The following PDZRN4 variants were observed in gnomAD, a reference collection of about 807,000 sequenced individuals.
PDZRN4 encodes the protein PDZ domain-containing RING finger protein 4.
A neutral mutation model predicts 99.0 loss-of-function variants in PDZRN4; 70 were observed. The ratio of observed to expected loss-of-function variants is 0.71; its 90% CI spans 0.58 to 0.86. The LOEUF (loss-of-function observed/expected upper bound fraction) is 0.86. PDZRN4 is among the 40% of genes least tolerant of loss of function. PDZRN4 has a pLI of 0.00. For missense variants in PDZRN4, 1,474 were observed against 1,331.2 expected (o/e 1.11, Z -1.67); for synonymous variants, 551 against 501.6 (o/e 1.10, Z -1.32).
At chr12:41,446,220 G>A (rs1167846981) in intron 3 of PDZRN4, among the ~76,000 whole-genome samples, 1 of 132,434 alleles carries the variant, frequency 7.6e-6, no homozygotes, top group Non-Finnish European at 1.6e-5. Context: ...TCTGTTTTAT[G>A]TAGCTTTATA....
rs534088772 is a variant in PDZRN4, at chr12:41,306,123, A to C, written c.843+111935A>C. 3.3e-5 allele frequency among the ~76,000 whole-genome samples: 5 copies of C among 152,312 alleles called. No homozygotes were observed. The East Asian group carries it at 9.7e-4, about 29-fold the overall frequency. On this transcript the variant is annotated intron_variant, in intron 3 of 9. Transcript: ENST00000402685. ...CCATGAGATCCTAAGGATTGAGAAC[A>C]ATCATTGGTTTAATACTCAACCCTC...
At chr12:41,415,319 A>G (rs1361460002) in intron 3 of PDZRN4, among the ~76,000 whole-genome samples, 1 of 149,134 alleles carries the variant, frequency 6.7e-6, no homozygotes, top group East Asian at 1.9e-4. Context: ...TTTATTATAT[A>G]TATGAAATAA....
chr12:41,556,270 T>C (rs1189660600), intron 7 of PDZRN4, among the ~76,000 whole-genome samples: 1 of 152,232 alleles, frequency 6.6e-6, no homozygotes, highest in Admixed American at 6.5e-5. Flanking sequence ...GTCTAGAAGT[T>C]TGAAGGTGCC....
chr12:41,204,304 T>A (rs1030868638), intron 3 of PDZRN4, among the ~76,000 whole-genome samples: 8 of 151,986 alleles, frequency 5.3e-5, no homozygotes, highest in Non-Finnish European at 1.5e-5. Context: ...CTAAAAAGTC[T>A]TGAGAGAAAG....
At chr12:41,269,225 ATAAAG>A (rs927332665) in intron 3 of PDZRN4, among the ~76,000 whole-genome samples, 4 of 152,210 alleles carry the variant, frequency 2.6e-5, no homozygotes, top group African/African-American at 9.6e-5. Context: ...GACACTTTCT[ATAAAG>A]TAGACTTTCA....
chr12:41,206,273 A>G (rs1045887187), intron 3 of PDZRN4, among the ~76,000 whole-genome samples: 1 of 152,016 alleles, frequency 6.6e-6, no homozygotes. Context: ...AGATTTTTCA[A>G]ATGGTTTTAG....
In PDZRN4 at chr12:41,573,162, G is replaced by T. The variant is rs1456489032; in HGVS notation, c.2383G>T (p.Ala795Ser). The T allele has an allele frequency of 9.3e-6, 15 of 1,614,122 alleles. No individual in the cohort carries two copies. The highest frequency in any genetic ancestry group is 1.3e-5 in the Non-Finnish European group (15 of 1,180,022). ...QSSKESTSTK[A>S]KTTEQGCSAE... Reference sequence around the variant, plus strand: ...CAGTAAAGAGTCGACCTCCACCAAAGCCAAAACCACTGAGCAAGGTTGTAG... The same window carrying T: ...CAGTAAAGAGTCGACCTCCACCAAATCCAAAACCACTGAGCAAGGTTGTAG... The change falls in exon 10 of 10, where the codon GCC becomes TCC. Residue 795 changes from alanine to serine, a missense_variant. By Grantham distance (99) the Ala-to-Ser change is moderately conservative. Coordinates refer to ENST00000402685, the MANE Select transcript of PDZRN4 (RefSeq NM_001164595.2).
intron 3 of PDZRN4, among the ~76,000 whole-genome samples, chr12:41,348,872 T>C (rs1179786784): frequency 6.6e-6 from 1 of 152,066 alleles, no homozygotes; most frequent in Non-Finnish European, 1.5e-5. Flanking sequence ...TTTGGTGTAG[T>C]ATCAAAGAGG....
chr12:41,489,401 T>A (rs1299109662), intron 3 of PDZRN4, among the ~76,000 whole-genome samples: 1 of 152,032 alleles, frequency 6.6e-6, no homozygotes, highest in Non-Finnish European at 1.5e-5. Flanking sequence ...AATCCCAGAC[T>A]AAAGGTTCTA....
At chr12:41,475,618 A>G (rs555191885) in intron 3 of PDZRN4, among the ~76,000 whole-genome samples, 1 of 152,316 alleles carries the variant, frequency 6.6e-6, no homozygotes, top group South Asian at 2.1e-4. Flanking sequence ...ATAGCAAAGT[A>G]TTTTGGCCCT....
At chr12:41,557,578 C>T (rs1939190157) in intron 7 of PDZRN4, among the ~76,000 whole-genome samples, 1 of 152,136 alleles carries the variant, frequency 6.6e-6, no homozygotes, top group African/African-American at 2.4e-5. Context: ...GGCACATGTC[C>T]TGCCCAACTT....
At chr12:41,443,788 G>T (rs1952701148) in intron 3 of PDZRN4, among the ~76,000 whole-genome samples, 1 of 152,094 alleles carries the variant, frequency 6.6e-6, no homozygotes, top group Non-Finnish European at 1.5e-5. Flanking sequence ...AAGAAGGGAA[G>T]TGTGTTCTGA....
At chr12:41,423,469 A>C (rs1249688066) in intron 3 of PDZRN4, among the ~76,000 whole-genome samples, 1 of 152,144 alleles carries the variant, frequency 6.6e-6, no homozygotes, top group Non-Finnish European at 1.5e-5. Context: ...CGCAAAGGGC[A>C]TTAACTCATC....
chr12:41,285,765 A>G (rs971881199), intron 3 of PDZRN4, among the ~76,000 whole-genome samples: 2 of 150,976 alleles, frequency 1.3e-5, no homozygotes, highest in East Asian at 3.9e-4. Flanking sequence ...AAAACCAAAC[A>G]CCGCATGTTC....
At chr12:41,347,748 G>A (rs1399483679) in intron 3 of PDZRN4, among the ~76,000 whole-genome samples, 2 of 152,012 alleles carry the variant, frequency 1.3e-5, no homozygotes, top group African/African-American at 2.4e-5. Context: ...TTACTCCTAG[G>A]TTTTCTTCTG....
intron 3 of PDZRN4, among the ~76,000 whole-genome samples, chr12:41,305,517 T>A (rs747709584): frequency 2.0e-4 from 30 of 152,164 alleles, no homozygotes; most frequent in Non-Finnish European, 3.2e-4. Flanking sequence ...GAAGATTTGG[T>A]ATCTTGTGTG....
intron 5 of PDZRN4, among the ~76,000 whole-genome samples, chr12:41,523,107 G>A (rs1331668755): frequency 1.3e-5 from 2 of 151,914 alleles, no homozygotes; most frequent in Admixed American, 6.6e-5. Context: ...CTGAGCCTCG[G>A]GTTCCTTATC....
chr12:41,495,501 G>T (rs981249462), intron 3 of PDZRN4, among the ~76,000 whole-genome samples: 2 of 151,916 alleles, frequency 1.3e-5, no homozygotes, highest in African/African-American at 4.8e-5. Flanking sequence ...CCATTTTACA[G>T]CTCTCTTCAT....
At chr12:41,320,461 G>A (rs1020822320) in intron 3 of PDZRN4, among the ~76,000 whole-genome samples, 13 of 152,170 alleles carry the variant, frequency 8.5e-5, no homozygotes, top group African/African-American at 2.9e-4. Context: ...TTCAAGAAGA[G>A]CTTTGTTATC....
Sources: allele counts gnomAD v4.1 joint callset (sites outside exome capture counted in the v4.1 genomes callset), GRCh38; gene constraint gnomAD v4.1.1; transcripts MANE v1.5; gene names NCBI Gene and HGNC (gene_info 2026-07-23, HGNC 2026-07-21).